PFKFB3: variants seen among roughly 807,000 people sequenced by gnomAD.
PFKFB3 encodes 6-phosphofructo-2-kinase/fructose-2,6-bisphosphatase 3.
In PFKFB3, 33 loss-of-function variants were observed where a neutral mutation model predicts 68.0. That is an observed-to-expected ratio of 0.49 (90% CI 0.37 to 0.65). The LOEUF is 0.65. PFKFB3 is among the 30% of genes least tolerant of loss of function. PFKFB3 has a pLI of 0.00. For missense variants in PFKFB3, 586 were observed against 712.2 expected (o/e 0.82, Z 2.02); for synonymous variants, 315 against 288.2 (o/e 1.09, Z -0.94).
the PFKFB3 span, among the ~76,000 whole-genome samples, chr10:6,267,460 G>C: frequency 1.3e-5 from 2 of 152,196 alleles, no homozygotes; most frequent in Admixed American, 6.5e-5. Context: ...TTAGTGGTTA[G>C]AGTTTCTTAG....
chr10:6,224,118 G>A, intron 12 of PFKFB3, 31 bp from the exon 13 acceptor site: 1 of 1,613,738 alleles, frequency 6.2e-7, no homozygotes, highest in African/African-American at 1.3e-5. Flanking sequence ...TTTAACAGCA[G>A]CTTCCTCTGC....
the PFKFB3 span, among the ~76,000 whole-genome samples, chr10:6,267,765 G>T: frequency 2.6e-5 from 4 of 151,794 alleles, no homozygotes; most frequent in Non-Finnish European, 4.4e-5. Flanking sequence ...GACCAGCCTG[G>T]CCAACATGGT....
chr10:6,145,794 C>T (rs1213448142), intron 1 of PFKFB3, among the ~76,000 whole-genome samples: 1 of 152,204 alleles, frequency 6.6e-6, no homozygotes, highest in African/African-American at 2.4e-5. Context: ...AGGGGCTGCC[C>T]TCCGCCTTTT....
In PFKFB3 at chr10:6,222,913, A is replaced by T. The variant is rs771692459; in HGVS notation, c.1142A>T (p.Glu381Val). ...EPVIMELERQ[E>V]NVLVICHQAV... is the part of the protein sequence containing the mutation. The stretch of plus-strand genomic sequence containing the variant: ...GTGATCATGGAGCTGGAGCGGCAGG[A>T]GAATGTGCTGGTCATCTGCCACCAG... Residue 381 changes from glutamate to valine, a missense_variant, in exon 11 of 15, where the codon GAG becomes GTG. By Grantham distance (121) the Glu-to-Val change is moderately radical. Coordinates refer to ENST00000379775, the MANE Select transcript of PFKFB3 (RefSeq NM_004566.4). The T allele has an allele frequency of 1.2e-6, 2 of 1,613,038 alleles. No homozygotes were observed. The highest frequency in any genetic ancestry group is 1.7e-6 in the Non-Finnish European group (2 of 1,179,758).
chr10:6,224,415 T>G, intron 13 of PFKFB3: 1 of 628,728 alleles, frequency 1.6e-6, no homozygotes, highest in East Asian at 2.7e-5. Context: ...TTTTCTTTCT[T>G]CCTGTGTCCT....
chr10:6,177,798 C>CAGG (rs1215419134), intron 1 of PFKFB3, among the ~76,000 whole-genome samples: 2 of 152,140 alleles, frequency 1.3e-5, no homozygotes, highest in Non-Finnish European at 2.9e-5. Flanking sequence ...TTTGGGATTA[C>CAGG]AGGTGTGTGC....
At chr10:6,176,362 G>A (rs1031242699) in intron 1 of PFKFB3, among the ~76,000 whole-genome samples, 3 of 152,250 alleles carry the variant, frequency 2.0e-5, no homozygotes, top group Middle Eastern at 3.4e-3. Context: ...TTTCCTGTGA[G>A]GATCGTCGAG....
intron 1 of PFKFB3, among the ~76,000 whole-genome samples, chr10:6,185,081 G>A (rs1842833384): frequency 1.3e-5 from 2 of 152,176 alleles, no homozygotes. Context: ...AAATAACCAG[G>A]AGGCCCAGTT....
intron 1 of PFKFB3, among the ~76,000 whole-genome samples, chr10:6,212,789 C>A (rs760660421): frequency 6.6e-6 from 1 of 152,186 alleles, no homozygotes; most frequent in Non-Finnish European, 1.5e-5. Flanking sequence ...CATGAACCAC[C>A]GCGCCTGGCT....
the PFKFB3 span, among the ~76,000 whole-genome samples, chr10:6,291,549 CTG>C: frequency 7.2e-6 from 1 of 139,012 alleles, no homozygotes; most frequent in East Asian, 2.1e-4. Context: ...AAGTGAGACT[CTG>C]TCTCAAAAAA....
Position 6,227,079 on chromosome 10 carries a change from C to A in PFKFB3, c.1515+714C>A, listed in dbSNP as rs555538545. Among the ~76,000 whole-genome samples, 4 of 151,902 alleles carry A rather than the reference C, an allele frequency of 2.6e-5. No homozygotes were observed. In the East Asian group the frequency reaches 7.7e-4, roughly 29 times the overall value. On this transcript the variant is annotated intron_variant, in intron 14 of 14. Transcript: ENST00000379775. ...CCAGCCTGGGTGACAGAGGGAGACTCCGTCTCAAAAAAAAAAAGCAAAAAA... is the reference window on the plus strand; with the variant it reads ...CCAGCCTGGGTGACAGAGGGAGACTACGTCTCAAAAAAAAAAAGCAAAAAA...
chr10:6,229,598 C>T lies in PFKFB3; in HGVS notation c.1515+3233C>T, dbSNP rs1290455810. Among the ~76,000 whole-genome samples, 2 of 152,136 alleles carry T rather than the reference C, an allele frequency of 1.3e-5. No individual in the cohort carries two copies. Among genetic ancestry groups the T allele is most frequent in the African/African-American group, 2.4e-5 (1 of 41,420 alleles). ...GCCCTTAACTTCCAGCTTCTTGGGGCGCACCCTCCATCCTCAGGGCCAGTG... is the reference window on the plus strand; with the variant it reads ...GCCCTTAACTTCCAGCTTCTTGGGGTGCACCCTCCATCCTCAGGGCCAGTG... On this transcript the variant is annotated intron_variant, in intron 14 of 14. Transcript: ENST00000379775. The surrounding 1 kb of genome is among the most constrained non-coding windows in gnomAD (Gnocchi z 4.3).
chr10:6,289,690 T>C, the PFKFB3 span, among the ~76,000 whole-genome samples: 1 of 152,212 alleles, frequency 6.6e-6, no homozygotes, highest in Non-Finnish European at 1.5e-5. Context: ...CGATGCGGGC[T>C]CTTTTTGGTT....
intron 1 of PFKFB3, among the ~76,000 whole-genome samples, chr10:6,151,921 C>T (rs1289851248): frequency 2.0e-5 from 3 of 151,642 alleles, no homozygotes; most frequent in Admixed American, 6.6e-5. Flanking sequence ...AGGACAGAAC[C>T]GCCCTCCTGC....
chr10:6,289,673 G>C, the PFKFB3 span, among the ~76,000 whole-genome samples: 4 of 152,148 alleles, frequency 2.6e-5, no homozygotes, highest in African/African-American at 9.7e-5. Context: ...GCTTAGGATT[G>C]ACTTGGCGAT....
chr10:6,282,299 C>T, the PFKFB3 span, among the ~76,000 whole-genome samples: 3 of 152,150 alleles, frequency 2.0e-5, no homozygotes, highest in African/African-American at 7.2e-5. Flanking sequence ...GTCAGATTCT[C>T]AAGAGACAGG....
chr10:6,192,703 G>A (rs7896921), intron 1 of PFKFB3, among the ~76,000 whole-genome samples: 5,788 of 148,154 alleles, frequency 0.039, 381 homozygotes, highest in African/African-American at 0.14. Flanking sequence ...GTGTGTGTGT[G>A]TGTGTGTGTT....
At chr10:6,311,638 A>C in the PFKFB3 span, among the ~76,000 whole-genome samples, 5 of 152,200 alleles carry the variant, frequency 3.3e-5, no homozygotes, top group East Asian at 3.9e-4. Context: ...AATCCCAGCT[A>C]TTCGGAAGAC....
At chr10:6,325,666 T>A in the PFKFB3 span, among the ~76,000 whole-genome samples, 1 of 152,212 alleles carries the variant, frequency 6.6e-6, no homozygotes, top group Non-Finnish European at 1.5e-5. Flanking sequence ...TTGGCAGAGT[T>A]ACAATTAAAA....
Sources: gnomAD v4.1 joint callset for allele counts (sites outside exome capture counted in the v4.1 genomes callset) on GRCh38, gnomAD v4.1.1 for gene constraint, Gnocchi (gnomAD v3.1) non-coding constraint, MANE v1.5 for transcripts, NCBI Gene and HGNC (gene_info 2026-07-23, HGNC 2026-07-21) for gene names.